The following AGBL4 variants were observed in gnomAD, a reference collection of about 807,000 sequenced individuals.
The protein encoded by AGBL4 is AGBL carboxypeptidase 4.
In AGBL4, 58 loss-of-function variants were observed where a neutral mutation model predicts 66.4. That is an observed-to-expected ratio of 0.87 (90% confidence interval 0.71 to 1.09). The LOEUF (loss-of-function observed/expected upper bound fraction) is 1.09. Among genes scored for constraint, AGBL4 ranks in the 50% least tolerant of loss-of-function variants. The pLI is 0.00. For missense variants in AGBL4, 579 were observed against 631.0 expected (o/e 0.92, Z 0.88); for synonymous variants, 234 against 222.9 (o/e 1.05, Z -0.44).
chr1:49,118,396 T>C (rs550266855), intron 4 of AGBL4, among the ~76,000 whole-genome samples: 2 of 152,326 alleles, frequency 1.3e-5, no homozygotes, highest in South Asian at 2.1e-4. Flanking sequence ...ATTCCATCAA[T>C]ATGTAGTTTA....
At chr1:49,990,753 T>C (rs996693571) in intron 1 of AGBL4, among the ~76,000 whole-genome samples, 19 of 152,226 alleles carry the variant, frequency 1.2e-4, no homozygotes, top group African/African-American at 4.6e-4. Context: ...GCCACATTCC[T>C]CACTATAAAA....
chr1:48,645,515 T>A, intron 8 of AGBL4, among the ~76,000 whole-genome samples: 1 of 152,158 alleles, frequency 6.6e-6, no homozygotes. Flanking sequence ...CAGAAATATA[T>A]GCATGTGGGC....
downstream of AGBL4, among the ~76,000 whole-genome samples, chr1:48,527,903 A>C (rs1489457497): frequency 6.6e-6 from 1 of 152,168 alleles, no homozygotes; most frequent in Non-Finnish European, 1.5e-5. Context: ...AAGTACCATA[A>C]AATGGGGTCA....
intron 2 of AGBL4, among the ~76,000 whole-genome samples, chr1:49,703,353 TAAGTTAACAA>T (rs1647136648): frequency 6.6e-6 from 1 of 152,026 alleles, no homozygotes; most frequent in African/African-American, 2.4e-5. Context: ...ATACTTAGTA[TAAGTTAACAA>T]AAGAAATGCC....
intron 3 of AGBL4, among the ~76,000 whole-genome samples, chr1:49,371,387 G>A (rs1570546688): frequency 6.6e-6 from 1 of 152,066 alleles, no homozygotes; most frequent in South Asian, 2.1e-4. Flanking sequence ...TTGGAGGGGA[G>A]GTAGTATGCT....
At chr1:49,491,910 A>G (rs758073491) in intron 3 of AGBL4, among the ~76,000 whole-genome samples, 1 of 151,968 alleles carries the variant, frequency 6.6e-6, no homozygotes, top group Non-Finnish European at 1.5e-5. Flanking sequence ...TTTTCCCAAT[A>G]CATACATATC....
intron 3 of AGBL4, among the ~76,000 whole-genome samples, chr1:49,521,710 A>G (rs1414901492): frequency 6.6e-6 from 1 of 152,110 alleles, no homozygotes; most frequent in Admixed American, 6.6e-5. Context: ...AAAATTCTAA[A>G]AGAAAAACTA....
At chr1:49,034,797 T>C (rs1170306838) in intron 5 of AGBL4, among the ~76,000 whole-genome samples, 3 of 152,082 alleles carry the variant, frequency 2.0e-5, no homozygotes, top group African/African-American at 7.2e-5. Context: ...TCCTGAGGCC[T>C]ACCAGTCATG....
intron 3 of AGBL4, among the ~76,000 whole-genome samples, chr1:49,467,913 G>C (rs761582699): frequency 2.6e-5 from 4 of 151,750 alleles, no homozygotes; most frequent in Admixed American, 6.6e-5. Flanking sequence ...TTCTAGGTAA[G>C]ACATTTCATG....
At chr1:48,614,082 T>A (rs1365270843) in intron 9 of AGBL4, among the ~76,000 whole-genome samples, 1 of 152,188 alleles carries the variant, frequency 6.6e-6, no homozygotes, top group Non-Finnish European at 1.5e-5. Context: ...AAGGTCACCC[T>A]CTGATGAAAA....
intron 2 of AGBL4, chr1:49,842,425 C>A: frequency 1.2e-6 from 1 of 810,772 alleles, no homozygotes; most frequent in Non-Finnish European, 1.6e-6. Context: ...AGAAGCCTGT[C>A]CATGCTTGCT....
intron 6 of AGBL4, among the ~76,000 whole-genome samples, chr1:48,714,690 C>T (rs1647021090): frequency 1.3e-5 from 2 of 152,206 alleles, no homozygotes. Flanking sequence ...TTCAATGACT[C>T]CTTGTTGCCA....
At chr1:49,528,448 T>C (rs1650844195) in intron 3 of AGBL4, among the ~76,000 whole-genome samples, 1 of 152,082 alleles carries the variant, frequency 6.6e-6, no homozygotes, top group African/African-American at 2.4e-5. Flanking sequence ...ATCCCTCTGC[T>C]CTCTTTATGA....
At chr1:48,629,034 C>T (rs1049999998) in intron 9 of AGBL4, among the ~76,000 whole-genome samples, 3 of 152,038 alleles carry the variant, frequency 2.0e-5, no homozygotes, top group African/African-American at 7.2e-5. Context: ...CAAATGGGAA[C>T]ATTGAAAAAT....
intron 3 of AGBL4, among the ~76,000 whole-genome samples, chr1:49,395,175 A>G (rs1644932566): frequency 6.6e-6 from 1 of 152,182 alleles, no homozygotes; most frequent in African/African-American, 2.4e-5. Context: ...ATGCACACAC[A>G]TTAAGGGGTC....
intron 6 of AGBL4, among the ~76,000 whole-genome samples, chr1:48,787,776 CTAACG>C (rs1645443197): frequency 6.6e-6 from 1 of 152,058 alleles, no homozygotes; most frequent in African/African-American, 2.4e-5. Context: ...CATTTTTTTG[CTAACG>C]TAAGGATGGA....
At chr1:48,981,678 G>T (rs979146207) in intron 5 of AGBL4, among the ~76,000 whole-genome samples, 2 of 152,008 alleles carry the variant, frequency 1.3e-5, no homozygotes, top group African/African-American at 2.4e-5. Flanking sequence ...TGAGGTCAGG[G>T]GTTCGAGACC....
chr1:49,893,789 A>G (rs1648895639), intron 1 of AGBL4, among the ~76,000 whole-genome samples: 1 of 152,194 alleles, frequency 6.6e-6, no homozygotes, highest in African/African-American at 2.4e-5. Context: ...TGGGTCCTGG[A>G]GGAGCTTGCT....
At chr1:49,486,956 C>A (rs764381314) in intron 3 of AGBL4, among the ~76,000 whole-genome samples, 21 of 151,930 alleles carry the variant, frequency 1.4e-4, no homozygotes, top group Non-Finnish European at 2.6e-4. Context: ...GAAATGCATA[C>A]CTCGTCCTCC....
Sources: allele counts gnomAD v4.1 joint callset (sites outside exome capture counted in the v4.1 genomes callset), GRCh38; gene constraint gnomAD v4.1.1; transcripts MANE v1.5; gene names NCBI Gene and HGNC (gene_info 2026-07-23, HGNC 2026-07-21).